CPE: variants seen among roughly 807,000 people sequenced by gnomAD.
CPE encodes the protein carbocypeptidase E.
A neutral mutation model predicts 53.5 loss-of-function variants in CPE; 17 were observed. The ratio of observed to expected loss-of-function variants is 0.32; its 90% confidence interval spans 0.22 to 0.48. CPE has a LOEUF of 0.48. Ranked by LOEUF, CPE falls within the 20% of genes least tolerant of loss-of-function variation. CPE has a pLI of 0.99. For synonymous variants in CPE, 226 were observed against 228.8 expected (o/e 0.99, Z 0.11); for missense variants, 524 against 614.7 (o/e 0.85, Z 1.56).
intron 1 of CPE, among the ~76,000 whole-genome samples, chr4:165,385,359 G>A (rs1385407087): frequency 1.3e-5 from 2 of 151,688 alleles, no homozygotes; most frequent in East Asian, 3.9e-4. Context: ...TTTCCTCTTA[G>A]GATGCTGTTG....
intron 1 of CPE, among the ~76,000 whole-genome samples, chr4:165,419,685 A>G (rs1314725307): frequency 6.6e-6 from 1 of 152,206 alleles, no homozygotes. Context: ...ATTAGATTAC[A>G]TAAGCCATTG....
intron 1 of CPE, among the ~76,000 whole-genome samples, chr4:165,395,279 G>A (rs1362244645): frequency 1.3e-5 from 2 of 152,116 alleles, no homozygotes; most frequent in African/African-American, 4.8e-5. Context: ...TATTATTTGT[G>A]GTGAAAGTAT....
chr4:165,440,317 T>C (rs1336856750), intron 1 of CPE, among the ~76,000 whole-genome samples: 2 of 152,214 alleles, frequency 1.3e-5, no homozygotes, highest in Non-Finnish European at 2.9e-5. Flanking sequence ...ATCTAGAAGT[T>C]AGATCAGTTT....
At chr4:165,424,557 G>A (rs1214033137) in intron 1 of CPE, among the ~76,000 whole-genome samples, 8 of 146,422 alleles carry the variant, frequency 5.5e-5, no homozygotes, top group African/African-American at 7.6e-5. Flanking sequence ...TTTTTGAGAT[G>A]GAGTCTCGCT....
chr4:165,477,121 A>G (rs1208516990), intron 3 of CPE, among the ~76,000 whole-genome samples: 1 of 152,208 alleles, frequency 6.6e-6, no homozygotes, highest in Non-Finnish European at 1.5e-5. Context: ...TCAGGTTGAC[A>G]GGATATTTGA....
chr4:165,493,223 C>T lies in CPE; in HGVS notation c.1166C>T (p.Ala389Val), dbSNP rs1479421003. The change falls in exon 7 of 9, where the codon GCG (alanine) becomes GTG (valine). Residue 389 changes from alanine (A) to valine (V), a missense_variant. By Grantham distance (64) the Ala-to-Val change is moderately conservative. Transcript: ENST00000402744. ...FVRDLQGNPI[A>V]NATISVEGID... ...CGAGACCTTCAAGGTAACCCAATTGCGAATGCCACCATCTCCGTGGAAGGA... is the reference window on the plus strand; with the variant it reads ...CGAGACCTTCAAGGTAACCCAATTGTGAATGCCACCATCTCCGTGGAAGGA... 1.2e-6 allele frequency: 2 copies of T among 1,614,022 alleles called. No individual in the cohort carries two copies. Among genetic ancestry groups the T allele is most frequent in the South Asian group, 1.1e-5 (1 of 91,070 alleles).
chr4:165,416,211 C>A (rs575623305), intron 1 of CPE, among the ~76,000 whole-genome samples: 1 of 151,724 alleles, frequency 6.6e-6, no homozygotes, highest in Non-Finnish European at 1.5e-5. Flanking sequence ...AAGTTACACA[C>A]GATCTTCTAA....
At chr4:165,457,786 A>C (rs1465499236) in intron 1 of CPE, among the ~76,000 whole-genome samples, 3 of 152,114 alleles carry the variant, frequency 2.0e-5, no homozygotes, top group Admixed American at 6.5e-5. Context: ...TTTTGCAATC[A>C]TTTTTTGTTC....
In CPE at chr4:165,482,427, A is replaced by G. The variant is rs187830027; in HGVS notation, c.790+68A>G. 5.3e-4 allele frequency: 579 copies of G among 1,089,200 alleles called. 1 individual carries two copies. The African/African-American group carries it at 8.3e-3, about 16-fold the overall frequency. The allele number at this position is 1,089,200 out of a possible 1,614,324, so 67.5% of individuals were successfully genotyped here. A position where few individuals can be genotyped will look rare whatever the true frequency, so the allele number is the denominator to read the frequency against. On this transcript the variant is annotated intron_variant, in intron 4 of 8. Transcript: ENST00000402744. ...ACACTGTACAAGGTTTTATAAGATG[A>G]TTTCTGTAATTTTTTTTAAGGAACT...
At chr4:165,431,577 A>G (rs1434203072) in intron 1 of CPE, among the ~76,000 whole-genome samples, 1 of 152,244 alleles carries the variant, frequency 6.6e-6, no homozygotes, top group Non-Finnish European at 1.5e-5. Flanking sequence ...TTTCTGAAAA[A>G]GACCAGGCAT....
At chr4:165,485,736 T>C (rs916030834) in intron 5 of CPE, among the ~76,000 whole-genome samples, 2 of 152,154 alleles carry the variant, frequency 1.3e-5, no homozygotes, top group African/African-American at 4.8e-5. Context: ...TTATTAACAA[T>C]AGTAATAATG....
intron 1 of CPE, among the ~76,000 whole-genome samples, chr4:165,446,227 C>T (rs1404137435): frequency 6.6e-6 from 1 of 151,970 alleles, no homozygotes; most frequent in Non-Finnish European, 1.5e-5. Flanking sequence ...ATAGTTTTCA[C>T]TAACAAAATT....
intron 6 of CPE, among the ~76,000 whole-genome samples, chr4:165,490,757 G>A (rs967579039): frequency 4.6e-5 from 7 of 151,856 alleles, no homozygotes; most frequent in African/African-American, 1.7e-4. Flanking sequence ...CAGGACCGAA[G>A]TATCTTCATT....
chr4:165,484,463 T>C lies in CPE; in HGVS notation c.832T>C (p.Phe278Leu), dbSNP rs1732469326. Residue 278 changes from phenylalanine to leucine, a missense_variant, in exon 5 of 9, where the codon TTC (phenylalanine) becomes CTC (leucine). Transcript: ENST00000402744. ...CAGCTCCTCCCCAGATGACGCCATT[T>C]TCCAAAGCTTGGCCCGGGCATACTC... Reference protein sequence around the residue: ...EYSSSPDDAIFQSLARAYSSF... With the variant: ...EYSSSPDDAILQSLARAYSSF... 1.1e-5 allele frequency: 17 copies of C among 1,614,116 alleles called. No homozygotes were observed. The highest frequency in any genetic ancestry group is 1.4e-5 in the Non-Finnish European group (16 of 1,179,972).
At chr4:165,484,296 C>T (rs1732465613) in intron 4 of CPE, 126 bp from the exon 5 acceptor site, 1 of 865,426 alleles carries the variant, frequency 1.2e-6, no homozygotes, top group Non-Finnish European at 1.7e-6. Context: ...TACCTCTTTC[C>T]CATAGTTATG....
In CPE at chr4:165,425,825, G is replaced by A. The variant is rs1242767259; in HGVS notation, c.308-38565G>A. Among the ~76,000 whole-genome samples, 3 of 152,126 alleles carry A rather than the reference G, an allele frequency of 2.0e-5. No individual in the cohort carries two copies. The East Asian group carries it at 5.8e-4, about 29-fold the overall frequency. On this transcript the variant is annotated intron_variant, in intron 1 of 8. Coordinates refer to ENST00000402744, the MANE Select transcript of CPE (RefSeq NM_001873.4). ...GGGATGGAAAGGCAGGGAGGAGGTG[G>A]GTGCTCCTGACATCTGGTGGAGGCC...
At chr4:165,460,071 G>A (rs7655190) in intron 1 of CPE, among the ~76,000 whole-genome samples, 20,922 of 151,966 alleles carry the variant, frequency 0.14, 1,783 homozygotes, top group African/African-American at 0.24. Flanking sequence ...ACACAGGGAC[G>A]TGTACATTAT....
intron 1 of CPE, among the ~76,000 whole-genome samples, chr4:165,451,910 C>T (rs566919599): frequency 9.2e-5 from 14 of 151,716 alleles, no homozygotes; most frequent in African/African-American, 3.4e-4. Flanking sequence ...CCCTAAGCCA[C>T]GTACCGCCCC....
In CPE at chr4:165,487,480, T is replaced by C; in HGVS notation, c.1016T>C (p.Ile339Thr). Reference sequence around the variant, plus strand: ...TACCTTAGCAGCAACTGTTTTGAGATCACCGTGGAGCTTAGCTGTGAGAAG... The same window carrying C: ...TACCTTAGCAGCAACTGTTTTGAGACCACCGTGGAGCTTAGCTGTGAGAAG... ...FNYLSSNCFE[I>T]TVELSCEKFP... Residue 339 changes from isoleucine (I) to threonine (T), a missense_variant, in exon 6 of 9, where the codon ATC (isoleucine) becomes ACC (threonine). By Grantham distance (89) the Ile-to-Thr change is moderately conservative (BLOSUM62 -1). Coordinates refer to ENST00000402744, the MANE Select transcript of CPE (RefSeq NM_001873.4). 6.2e-7 allele frequency: 1 copy of C among 1,614,090 alleles called. No individual in the cohort carries two copies. The highest frequency in any genetic ancestry group is 8.5e-7 in the Non-Finnish European group (1 of 1,180,012).
Sources: allele counts gnomAD v4.1 joint callset (sites outside exome capture counted in the v4.1 genomes callset), GRCh38; gene constraint gnomAD v4.1.1; transcripts MANE v1.5; gene names NCBI Gene and HGNC (gene_info 2026-07-23, HGNC 2026-07-21).